Variants in PASK observed in about 807,000 individuals in gnomAD.
The protein encoded by PASK is PAS domain-containing serine/threonine-protein kinase.
A neutral mutation model predicts 121.0 loss-of-function variants in PASK; 110 were observed. The observed-to-expected ratio is 0.91, with a 90% CI of 0.78 to 1.06. The LOEUF (loss-of-function observed/expected upper bound fraction) is 1.06, where lower values mean the gene tolerates loss of function less well. Among genes scored for constraint, PASK ranks in the 50% least tolerant of loss-of-function variants. PASK has a pLI of 0.00. For synonymous variants in PASK, 686 were observed against 717.8 expected (o/e 0.96, Z 0.71); for missense variants, 1,643 against 1,702.3 (o/e 0.97, Z 0.61).
At chr2:241,125,371 C>T (rs1463805534) in intron 10 of PASK, among the ~76,000 whole-genome samples, 11 of 151,430 alleles carry the variant, frequency 7.3e-5, no homozygotes, top group Non-Finnish European at 1.3e-4. Flanking sequence ...GAAGCCGAGG[C>T]GGGCGGATCA....
intron 5 of PASK, 151 bp downstream of exon 5, chr2:241,138,503 G>A (rs2066550055): frequency 1.2e-5 from 10 of 853,648 alleles, no homozygotes; most frequent in Non-Finnish European, 1.3e-5. Flanking sequence ...CCAAGCACAC[G>A]CAATCAGCGA....
chr2:241,144,849 T>C (rs997885042), intron 1 of PASK, among the ~76,000 whole-genome samples: 1 of 152,214 alleles, frequency 6.6e-6, no homozygotes, highest in African/African-American at 2.4e-5. Context: ...CCATCTTTGG[T>C]GTTCTTGACC....
chr2:241,131,496 T>C (rs1032977263), intron 9 of PASK, among the ~76,000 whole-genome samples: 2 of 152,172 alleles, frequency 1.3e-5, no homozygotes, highest in Non-Finnish European at 2.9e-5. Context: ...TATGTATCTA[T>C]TACATATTTT....
intron 1 of PASK, chr2:241,145,811 G>A (rs991901728): frequency 6.6e-6 from 1 of 152,294 alleles, no homozygotes; most frequent in African/African-American, 2.4e-5. Context: ...GGAGGTGGAG[G>A]TTGTAATGAG....
chr2:241,136,882 G>C, intron 7 of PASK, 122 bp downstream of exon 7: 1 of 903,838 alleles, frequency 1.1e-6, no homozygotes, highest in South Asian at 1.4e-5. Flanking sequence ...GGTCCTTCCT[G>C]GGTAAAGGAG....
chr2:241,145,387 G>A (rs2066907106), intron 1 of PASK, among the ~76,000 whole-genome samples: 1 of 152,126 alleles, frequency 6.6e-6, no homozygotes, highest in African/African-American at 2.4e-5. Context: ...CACTCTAGAA[G>A]CTAAGGCAGG....
In PASK at chr2:241,117,719, T is replaced by C. The variant is rs186979100; in HGVS notation, c.3073-2306A>G. Among the ~76,000 whole-genome samples, 163 of 152,254 alleles carry C rather than the reference T, an allele frequency of 1.1e-3. 1 individual carries two copies. Among genetic ancestry groups the C allele is most frequent in the Admixed American group, 2.4e-3 (37 of 15,306 alleles). On this transcript the variant is annotated intron_variant, in intron 12 of 17. Coordinates refer to ENST00000234040, the MANE Select transcript of PASK (RefSeq NM_015148.4). ...ACGTTTTGCTGTCAGCAAAATTCAC[T>C]TCAAAATAATGCTAGATTACAACAG...
At chr2:241,134,198 C>G (rs2066299880) in intron 8 of PASK, 1 of 152,162 alleles carries the variant, frequency 6.6e-6, no homozygotes, top group South Asian at 2.1e-4. Context: ...GAAATGTGAT[C>G]CCCTCCCCCC....
intron 1 of PASK, among the ~76,000 whole-genome samples, chr2:241,143,554 A>T (rs1329924766): frequency 2.6e-5 from 4 of 152,136 alleles, no homozygotes; most frequent in Admixed American, 2.6e-4. Context: ...CCATGTCAAA[A>T]AAAAAGAAAA....
chr2:241,142,740 A>T (rs189746488), intron 2 of PASK, 97 bp downstream of exon 2: 6 of 944,886 alleles, frequency 6.3e-6, no homozygotes, highest in Non-Finnish European at 1.0e-5. Context: ...GAATAGAGTG[A>T]CTTCAATCCC....
chr2:241,107,468 C>G lies in PASK; in HGVS notation c.3699G>C (p.Gln1233His). The G allele has an allele frequency of 1.2e-6, 2 of 1,614,124 alleles. No individual in the cohort carries two copies. Among genetic ancestry groups the G allele is most frequent in the Non-Finnish European group, 1.7e-6 (2 of 1,179,976 alleles). Residue 1233 changes from glutamine to histidine, a missense_variant, in exon 17 of 18, where the codon CAG becomes CAC. By Grantham distance (24) the Gln-to-His change is conservative (BLOSUM62 0). Around this residue, in one of 3 missense-constraint regions of PASK, gnomAD observed 453 missense variants for 511.2 expected, o/e 0.89. Transcript: ENST00000234040. Reference protein sequence around the residue: ...ELMSLVSGLLQPVPERRTTLE... With the variant: ...ELMSLVSGLLHPVPERRTTLE... ...AGGTGGTGCGTCTCTCAGGGACTGG[C>G]TGCAGCAGCCCAGACACAAGGCTCA...
chr2:241,125,609 GAA>G lies in PASK; in HGVS notation c.2719+585_2719+586del, dbSNP rs11353969. On this transcript the variant is annotated intron_variant, in intron 10 of 17. Transcript: ENST00000234040. ...AGAGAGACTCTGTCTCAAAAAAAAA[GAA>G]AAAAAAAAAAAAAAGAAATGAAAAT... 3.8e-3 allele frequency among the ~76,000 whole-genome samples: 450 copies of G among 118,434 alleles called. 2 individuals are homozygous for G. Among genetic ancestry groups the G allele is most frequent in the African/African-American group, 0.011 (378 of 34,202 alleles). The allele number at this position is 118,434 out of a possible 152,430, so 77.7% of individuals were successfully genotyped here. A position where few individuals can be genotyped will look rare whatever the true frequency, so the allele number is the denominator to read the frequency against.
Position 241,137,214 on chromosome 2 carries a change from G to A in PASK, c.927C>T (p.Phe309=), listed in dbSNP as rs780830844. ...SVGRARDGTT[F]PLSLKLKSQP... is the part of the protein sequence containing the mutation. ...GGGATTTCAGCTTTAAGCTCAGAGG[G>A]AAGGTGGTACCGTCCCTGGCTCTTC... The change falls in exon 7 of 18, where the codon TTC becomes TTT. Residue 309 remains phenylalanine, a synonymous_variant. Coordinates refer to ENST00000234040, the MANE Select transcript of PASK (RefSeq NM_015148.4). The A allele has an allele frequency of 6.2e-7, 1 of 1,612,566 alleles. No homozygotes were observed. The highest frequency in any genetic ancestry group is 1.3e-5 in the African/African-American group (1 of 74,916).
chr2:241,107,635 G>A lies in PASK; in HGVS notation c.3668-136C>T, dbSNP rs2064943491. 9 of 783,328 alleles carry A rather than the reference G, an allele frequency of 1.1e-5. No homozygotes were observed. In the South Asian group the frequency reaches 1.3e-4, roughly 11 times the overall value. The allele number at this position is 783,328 out of a possible 1,614,324, so 48.5% of individuals were successfully genotyped here. A position where few individuals can be genotyped will look rare whatever the true frequency, so the allele number is the denominator to read the frequency against. ...GCGGCCCAGGAACCTCTAGTGCAGG[G>A]CCCAGCTGTGCTTGGACAGAAGCTG... On this transcript the variant is annotated intron_variant, in intron 16 of 17. Transcript: ENST00000234040.
chr2:241,140,738 G>A lies in PASK; in HGVS notation c.212C>T (p.Ser71Phe), dbSNP rs148125949. ...RTALSEDRWSSYCLSSLAAQN... is the reference protein window; with the variant it reads ...RTALSEDRWSFYCLSSLAAQN... ...GGCAGCCAGTGATGATAGACAATAGGAGCTCCATCTGTCTTCTGAAAAGAG... is the reference window on the plus strand; with the variant it reads ...GGCAGCCAGTGATGATAGACAATAGAAGCTCCATCTGTCTTCTGAAAAGAG... Residue 71 changes from serine to phenylalanine, a missense_variant, in exon 3 of 18, where the codon TCC (serine) becomes TTC (phenylalanine). Ser to Phe is a radical substitution (Grantham distance 155). Around this residue, in one of 3 missense-constraint regions of PASK, gnomAD observed 1,176 missense variants for 1,162.2 expected, o/e 1.01. Coordinates refer to ENST00000234040, the MANE Select transcript of PASK (RefSeq NM_015148.4). 585 of 1,609,936 alleles carry A rather than the reference G, an allele frequency of 3.6e-4. 4 individuals carry two copies. In the African/African-American group the frequency reaches 7.2e-3, roughly 20 times the overall value.
At chr2:241,124,246 T>A in intron 10 of PASK, 113 bp from the exon 11 acceptor site, 2 of 876,150 alleles carry the variant, frequency 2.3e-6, no homozygotes, top group Non-Finnish European at 3.6e-6. Context: ...CCAGCAGCTT[T>A]AAGTTAGAAA....
chr2:241,135,159 T>G (rs759852768), intron 8 of PASK, among the ~76,000 whole-genome samples: 2 of 152,200 alleles, frequency 1.3e-5, no homozygotes, highest in Non-Finnish European at 2.9e-5. Flanking sequence ...CCTAAGACTG[T>G]GCATATGAAA....
chr2:241,130,399 G>A (rs2066070771), intron 9 of PASK, among the ~76,000 whole-genome samples: 1 of 152,172 alleles, frequency 6.6e-6, no homozygotes, highest in Admixed American at 6.5e-5. Context: ...TGGAAGATGA[G>A]TTGTGTCCAA....
At chr2:241,120,444 G>A (rs561300022) in intron 12 of PASK, among the ~76,000 whole-genome samples, 1 of 150,646 alleles carries the variant, frequency 6.6e-6, no homozygotes, top group African/African-American at 2.4e-5. Context: ...AGTGAGCCAA[G>A]ATTGTGCCAC....
Sources: allele counts gnomAD v4.1 joint callset (sites outside exome capture counted in the v4.1 genomes callset), GRCh38; gene constraint gnomAD v4.1.1; regional missense constraint gnomAD v4.1.1; transcripts MANE v1.5; gene names NCBI Gene and HGNC (gene_info 2026-07-23, HGNC 2026-07-21).